Variants in PSD3 observed in about 807,000 individuals in gnomAD.
PSD3 encodes the protein PH and SEC7 domain-containing protein 3.
PSD3 carries 49 observed loss-of-function variants against 105.5 expected under a neutral mutation model. The ratio of observed to expected loss-of-function variants is 0.46; its 90% confidence interval spans 0.37 to 0.59. The LOEUF is 0.59. Ranked by LOEUF, PSD3 falls within the 20% of genes least tolerant of loss-of-function variation. PSD3 has a pLI of 0.00. For synonymous variants in PSD3, 557 were observed against 457.8 expected, an observed-to-expected ratio of 1.22 and a Z score of -2.77; for missense variants, 1,561 against 1,263.8, an observed-to-expected ratio of 1.24 and a Z score of -3.57.
At chr8:19,072,947 A>G (rs79849797) in intron 1 of PSD3, among the ~76,000 whole-genome samples, 1,964 of 152,300 alleles carry the variant, frequency 0.013, 35 homozygotes, top group African/African-American at 0.045. Context: ...GCCCAACTAT[A>G]AAGGATGGGG....
intron 4 of PSD3, among the ~76,000 whole-genome samples, chr8:18,848,999 G>A (rs935617109): frequency 6.6e-6 from 1 of 152,164 alleles, no homozygotes; most frequent in Non-Finnish European, 1.5e-5. Context: ...GCTTCCAAAG[G>A]TCAAGATGTC....
At chr8:19,076,228 G>A (rs1289087718) in intron 1 of PSD3, among the ~76,000 whole-genome samples, 2 of 152,338 alleles carry the variant, frequency 1.3e-5, no homozygotes, top group Non-Finnish European at 1.5e-5. Context: ...TGAAAAGTAG[G>A]AATGATTTAT....
At chr8:18,781,339 T>G (rs1011380978) in intron 8 of PSD3, among the ~76,000 whole-genome samples, 1 of 152,232 alleles carries the variant, frequency 6.6e-6, no homozygotes, top group African/African-American at 2.4e-5. Context: ...CTATGGCATA[T>G]AAGCCCTAGG....
At chr8:18,779,041 T>A (rs986726398) in intron 8 of PSD3, among the ~76,000 whole-genome samples, 1 of 152,076 alleles carries the variant, frequency 6.6e-6, no homozygotes, top group African/African-American at 2.4e-5. Context: ...TTAGATCTTC[T>A]TTGTAAGTTT....
intron 4 of PSD3, among the ~76,000 whole-genome samples, chr8:18,843,915 ATT>A (rs10578700): frequency 0.048 from 6,728 of 141,582 alleles, 144 homozygotes; most frequent in Admixed American, 0.074. Flanking sequence ...AAGATAGACT[ATT>A]TTTTTTTTTT....
chr8:18,864,140 T>G (rs1384322574), intron 4 of PSD3, among the ~76,000 whole-genome samples: 1 of 152,244 alleles, frequency 6.6e-6, no homozygotes, highest in Non-Finnish European at 1.5e-5. Flanking sequence ...TTTGTTTTGT[T>G]GAAGATATCT....
chr8:18,814,910 C>A (rs538432292), intron 4 of PSD3, among the ~76,000 whole-genome samples: 1 of 152,326 alleles, frequency 6.6e-6, no homozygotes, highest in South Asian at 2.1e-4. Flanking sequence ...CAAAAGGCGG[C>A]ACAAAGCACA....
At chr8:18,687,718 T>C (rs773141617) in intron 9 of PSD3, among the ~76,000 whole-genome samples, 1 of 152,126 alleles carries the variant, frequency 6.6e-6, no homozygotes, top group Non-Finnish European at 1.5e-5. Context: ...TGTGTGCGCT[T>C]GCCCATCCCT....
chr8:18,553,784 T>C (rs183119417), intron 15 of PSD3, among the ~76,000 whole-genome samples: 139 of 152,334 alleles, frequency 9.1e-4, no homozygotes, highest in African/African-American at 3.1e-3. Context: ...CCCTTTTAGA[T>C]GACAGCTGAA....
At chr8:18,758,559 T>G (rs1806252904) in intron 9 of PSD3, among the ~76,000 whole-genome samples, 1 of 152,056 alleles carries the variant, frequency 6.6e-6, no homozygotes, top group South Asian at 2.1e-4. Flanking sequence ...TACCCTTATA[T>G]ACAGCTGTAA....
intron 9 of PSD3, among the ~76,000 whole-genome samples, chr8:18,691,978 T>C (rs931348333): frequency 6.6e-6 from 1 of 152,212 alleles, no homozygotes; most frequent in African/African-American, 2.4e-5. Context: ...ATTACCAACA[T>C]TTCATTTTTC....
chr8:19,036,849 C>G (rs1176531353), intron 1 of PSD3, among the ~76,000 whole-genome samples: 1 of 152,164 alleles, frequency 6.6e-6, no homozygotes, highest in Non-Finnish European at 1.5e-5. Context: ...CACCTCAATA[C>G]TCATCTAGGG....
intron 1 of PSD3, among the ~76,000 whole-genome samples, chr8:19,077,197 A>G (rs1004603176): frequency 3.9e-5 from 6 of 152,188 alleles, no homozygotes; most frequent in African/African-American, 1.4e-4. Context: ...ATCAGTGAGA[A>G]CTCAATGAAG....
chr8:18,841,875 T>A (rs1464510360), intron 4 of PSD3, among the ~76,000 whole-genome samples: 1 of 152,106 alleles, frequency 6.6e-6, no homozygotes, highest in Non-Finnish European at 1.5e-5. Context: ...ATCCCTTCAT[T>A]AAAGACTTTA....
At chr8:18,781,114 G>A (rs1808584757) in intron 8 of PSD3, among the ~76,000 whole-genome samples, 1 of 152,090 alleles carries the variant, frequency 6.6e-6, no homozygotes, top group Non-Finnish European at 1.5e-5. Context: ...CTGGACTGCA[G>A]TGGCCAAAGT....
intron 15 of PSD3, among the ~76,000 whole-genome samples, chr8:18,541,597 T>G (rs1285427444): frequency 6.6e-6 from 1 of 152,176 alleles, no homozygotes; most frequent in Non-Finnish European, 1.5e-5. Flanking sequence ...TCTTGACCTC[T>G]GTTGTCAAGA....
chr8:18,844,439 C>A (rs1814911151), intron 4 of PSD3, among the ~76,000 whole-genome samples: 1 of 152,024 alleles, frequency 6.6e-6, no homozygotes, highest in South Asian at 2.1e-4. Context: ...CTTTTTAGTT[C>A]AAGGTCTTAC....
At chr8:18,567,216 A>G (rs1210500649) in intron 14 of PSD3, among the ~76,000 whole-genome samples, 2 of 152,170 alleles carry the variant, frequency 1.3e-5, no homozygotes, top group African/African-American at 4.8e-5. Context: ...CTGAAAAAGA[A>G]CAATGGGAAA....
intron 4 of PSD3, among the ~76,000 whole-genome samples, chr8:18,829,460 G>C (rs777565595): frequency 2.0e-4 from 30 of 152,262 alleles, no homozygotes; most frequent in Middle Eastern, 6.8e-3. Context: ...AAACGTTCTA[G>C]TGCCTATAGA....
Sources: allele counts gnomAD v4.1 joint callset (sites outside exome capture counted in the v4.1 genomes callset), GRCh38; gene constraint gnomAD v4.1.1; transcripts MANE v1.5; gene names NCBI Gene and HGNC (gene_info 2026-07-23, HGNC 2026-07-21).